The following EHMT1 variants were observed in gnomAD, a reference collection of about 807,000 sequenced individuals.
EHMT1 encodes the protein histone-lysine N-methyltransferase EHMT1.
Under a neutral mutation model 147.2 loss-of-function variants are expected in EHMT1, and 15 were observed. That is an observed-to-expected ratio of 0.10 (90% CI 0.07 to 0.16). The LOEUF is 0.16. Ranked by LOEUF, EHMT1 falls within the 10% of genes least tolerant of loss-of-function variation. The pLI is 1.00. For missense variants in EHMT1, 1,587 were observed against 1,772.4 expected, an observed-to-expected ratio of 0.90 and a Z score of 1.88; for synonymous variants, 795 against 709.6, an observed-to-expected ratio of 1.12 and a Z score of -1.91.
At chr9:137,779,076 C>T (rs1951177856) in intron 13 of EHMT1, among the ~76,000 whole-genome samples, 1 of 152,230 alleles carries the variant, frequency 6.6e-6, no homozygotes, top group African/African-American at 2.4e-5. Context: ...TACCAGGTCT[C>T]ACCTCCAACA....
intron 25 of EHMT1, among the ~76,000 whole-genome samples, chr9:137,829,308 C>T (rs75268321): frequency 0.032 from 4,868 of 152,336 alleles, 104 homozygotes; most frequent in South Asian, 0.064. Flanking sequence ...CTTTGCAATT[C>T]CTTTTTGACC....
intron 14 of EHMT1, among the ~76,000 whole-genome samples, chr9:137,780,123 GAT>G: frequency 6.9e-6 from 1 of 145,934 alleles, no homozygotes; most frequent in South Asian, 2.2e-4. Flanking sequence ...GATGTGTGGT[GAT>G]GACGCTGAGA....
intron 18 of EHMT1, among the ~76,000 whole-genome samples, chr9:137,809,909 C>T (rs1418403899): frequency 7.3e-6 from 1 of 136,476 alleles, no homozygotes; most frequent in Non-Finnish European, 1.5e-5. Flanking sequence ...CGATGCCGCC[C>T]TGTGTGGACC....
intron 25 of EHMT1, among the ~76,000 whole-genome samples, chr9:137,832,336 C>T (rs1252150341): frequency 2.0e-5 from 3 of 146,784 alleles, no homozygotes; most frequent in South Asian, 2.2e-4. Flanking sequence ...CCACAGGCCC[C>T]GCCTTCCACG....
intron 25 of EHMT1, among the ~76,000 whole-genome samples, chr9:137,823,099 T>TG (rs1316962033): frequency 1.1e-5 from 1 of 87,224 alleles, no homozygotes; most frequent in African/African-American, 5.5e-5. Context: ...CCTGGCTAAT[T>TG]GTTTTTTTTT....
chr9:137,646,297 AATG>A (rs1300639738), intron 1 of EHMT1: 1 of 968,108 alleles, frequency 1.0e-6, no homozygotes, highest in Non-Finnish European at 1.2e-6. Flanking sequence ...AGAAATTTAA[AATG>A]ATGTCTGTGG....
At chr9:137,764,296 C>T (rs1950067677) in intron 10 of EHMT1, 1 of 152,404 alleles carries the variant, frequency 6.6e-6, no homozygotes, top group Admixed American at 6.5e-5. Context: ...CGCCTCTCAT[C>T]TGTGGCACGT....
chr9:137,832,907 C>T (rs1046375251), intron 25 of EHMT1: 8 of 152,240 alleles, frequency 5.3e-5, no homozygotes, highest in Non-Finnish European at 1.0e-4. Flanking sequence ...ATTCTTAGTC[C>T]ATCAGACCCC....
Position 137,813,422 on chromosome 9 carries a change from C to T in EHMT1, c.3072C>T (p.Pro1024=), listed in dbSNP as rs778529217. The part of the protein sequence containing the change: ...IARGYERIPI[P]CVNAVDSEPC... ...GAGGCTACGAGCGCATCCCCATCCC[C>T]TGTGTCAACGCCGTGGACAGCGAGC... The change falls in exon 21 of 27, where the codon CCC becomes CCT. Residue 1024 remains proline (P), a synonymous_variant. Transcript: ENST00000460843. This position sits in a 1 kb window ranked among gnomAD's most constrained non-coding sequence, Gnocchi z 4.9. The T allele has an allele frequency of 8.7e-6, 14 of 1,613,384 alleles. No individual in the cohort carries two copies. In the Admixed American group the frequency reaches 1.3e-4, roughly 15 times the overall value.
chr9:137,730,281 G>T (rs1476071926), intron 4 of EHMT1, among the ~76,000 whole-genome samples: 1 of 152,102 alleles, frequency 6.6e-6, no homozygotes, highest in East Asian at 1.9e-4. Context: ...ATCCCACCAG[G>T]GTCTTCAGCA....
Position 137,775,081 on chromosome 9 carries a change from A to G in EHMT1, c.1648-28A>G, listed in dbSNP as rs370718445. ...AATGCCGGCCTCTCGTGACTCTGAC[A>G]TTGACCACCAGTCTTGTCTGATTGC... On this transcript the variant is annotated intron_variant, in intron 10 of 26. Coordinates refer to ENST00000460843, the MANE Select transcript of EHMT1 (RefSeq NM_024757.5). The surrounding 1 kb of genome is among the most constrained non-coding windows in gnomAD (Gnocchi z 6.1). The G allele has an allele frequency of 7.4e-6, 12 of 1,613,952 alleles. No individual in the cohort carries two copies. In the South Asian group the frequency reaches 9.9e-5, roughly 13 times the overall value.
At chr9:137,752,457 CAA>C in intron 7 of EHMT1, 49 bp downstream of exon 7, 1 of 1,591,482 alleles carries the variant, frequency 6.3e-7, no homozygotes, top group Non-Finnish European at 8.6e-7. Context: ...AGAGGAGATG[CAA>C]AGACACCAGC....
In EHMT1 at chr9:137,748,550, G is replaced by A. The variant is rs372103477; in HGVS notation, c.1171-3781G>A. The stretch of plus-strand genomic sequence containing the variant: ...CTGGCCTCCATGGACTCTGCCATGC[G>A]GCTCCCCACGGTGGCTGCTCAGGTT... On this transcript the variant is annotated intron_variant, in intron 6 of 26. Coordinates refer to ENST00000460843, the MANE Select transcript of EHMT1 (RefSeq NM_024757.5). Among the ~76,000 whole-genome samples the A allele has an allele frequency of 2.4e-3, 369 of 152,274 alleles. 1 individual carries two copies. Among genetic ancestry groups the A allele is most frequent in the African/African-American group, 7.8e-3 (326 of 41,552 alleles).
At chr9:137,738,231 C>A (rs542607098) in intron 4 of EHMT1, among the ~76,000 whole-genome samples, 246 of 137,016 alleles carry the variant, frequency 1.8e-3, no homozygotes, top group South Asian at 2.7e-3. Flanking sequence ...ACAAAAAAAA[C>A]CCAAAAAAGG....
rs781303008 is a variant in EHMT1 at position 137,752,313 on chromosome 9, G to A, written c.1171-18G>A. On this transcript the variant is annotated intron_variant, in intron 6 of 26. Transcript: ENST00000460843. ...TGTTTTCTGTTTGGGTTCCCGCTTC[G>A]ACTGTGTGGCTGATCAGATGGACGG... 5.0e-6 allele frequency: 8 copies of A among 1,613,910 alleles called. No individual in the cohort carries two copies. The highest frequency in any genetic ancestry group is 6.8e-6 in the Non-Finnish European group (8 of 1,179,922).
chr9:137,653,022 C>T (rs1938035078), intron 1 of EHMT1, among the ~76,000 whole-genome samples: 1 of 152,196 alleles, frequency 6.6e-6, no homozygotes, highest in Non-Finnish European at 1.5e-5. Context: ...GTCACTGTGC[C>T]TGGCCTTAGA....
At chr9:137,625,867 T>C (rs1176930872) in intron 1 of EHMT1, among the ~76,000 whole-genome samples, 5 of 151,702 alleles carry the variant, frequency 3.3e-5, no homozygotes, top group African/African-American at 1.2e-4. Context: ...GTTTTTGTTT[T>C]TTTTTGAGAC....
At chr9:137,668,323 C>T (rs1012309126) in intron 1 of EHMT1, among the ~76,000 whole-genome samples, 4 of 151,790 alleles carry the variant, frequency 2.6e-5, no homozygotes, top group Admixed American at 1.3e-4. Context: ...TCTATTCACC[C>T]ACCCACCACT....
chr9:137,693,928 T>G (rs375854497), intron 1 of EHMT1, among the ~76,000 whole-genome samples: 2 of 1,044 alleles, frequency 1.9e-3, no homozygotes. Flanking sequence ...ACACAGTGGC[T>G]CAGGACGCTG....
Sources: allele counts gnomAD v4.1 joint callset (sites outside exome capture counted in the v4.1 genomes callset), GRCh38; gene constraint gnomAD v4.1.1; non-coding constraint Gnocchi (gnomAD v3.1); transcripts MANE v1.5; gene names NCBI Gene and HGNC (gene_info 2026-07-23, HGNC 2026-07-21).